The following EHD2 variants were observed in gnomAD, a reference collection of about 807,000 sequenced individuals.
EHD2 encodes the protein EH domain-containing protein 2.
In EHD2, 27 loss-of-function variants were observed where a neutral mutation model predicts 41.0. The ratio of observed to expected loss-of-function variants is 0.66; its 90% CI spans 0.49 to 0.91. The LOEUF (loss-of-function observed/expected upper bound fraction) is 0.91, where lower values mean the gene tolerates loss of function less well. Ranked by LOEUF, EHD2 falls within the 40% of genes least tolerant of loss-of-function variation. The probability of loss-of-function intolerance (pLI) is 0.00; values close to 1 mark genes in which losing one functional copy is unlikely to be tolerated. For missense variants in EHD2, 673 were observed against 773.9 expected (o/e 0.87, Z 1.55); for synonymous variants, 342 against 341.0 (o/e 1.00, Z -0.03).
chr19:47,735,423 A>G (rs1966911046), intron 4 of EHD2, among the ~76,000 whole-genome samples: 2 of 152,078 alleles, frequency 1.3e-5, no homozygotes, highest in Admixed American at 1.3e-4. Context: ...CGCCTGCAGC[A>G]CCTGTAACTT....
intron 3 of EHD2, among the ~76,000 whole-genome samples, chr19:47,721,878 G>C (rs1599889751): frequency 1.3e-5 from 2 of 151,736 alleles, no homozygotes; most frequent in Middle Eastern, 3.2e-3. Flanking sequence ...CCACCTACTC[G>C]GGAGGCTGAG....
intron 4 of EHD2, among the ~76,000 whole-genome samples, chr19:47,727,077 G>T (rs1283669748): frequency 6.6e-6 from 1 of 152,036 alleles, no homozygotes; most frequent in Non-Finnish European, 1.5e-5. Context: ...CAAGTTCATT[G>T]GTTTATTCCA....
rs1973746528 is a variant in EHD2 at position 47,725,945 on chromosome 19, C to G, written c.636C>G (p.Asp212Glu). 6.2e-7 allele frequency: 1 copy of G among 1,613,866 alleles called. No homozygotes were observed. Among genetic ancestry groups the G allele is most frequent in the Non-Finnish European group, 8.5e-7 (1 of 1,179,804 alleles). The change falls in exon 4 of 6, where the codon GAC (aspartate) becomes GAG (glutamate). Residue 212 changes from aspartate to glutamate, a missense_variant. Physicochemically the swap from Asp to Glu is conservative, Grantham distance 45 (BLOSUM62 2). Coordinates refer to ENST00000263277, the MANE Select transcript of EHD2 (RefSeq NM_014601.4). ...EAIGALRGHEDKIRVVLNKAD... is the reference protein window; with the variant it reads ...EAIGALRGHEEKIRVVLNKAD... ...TCGGCGCGTTGCGGGGCCATGAGGA[C>G]AAGATCCGCGTGGTGCTCAACAAGG...
In EHD2 at chr19:47,718,580, C is replaced by A. The variant is rs764472619; in HGVS notation, c.476C>A (p.Ser159Ter). 2.5e-6 allele frequency: 4 copies of A among 1,575,344 alleles called. No individual in the cohort carries two copies. The South Asian group carries it at 4.6e-5, about 18-fold the overall frequency. ...ISIIDTPGIL[S>*]GAKQRVSRGY... ...ATCATCGACACCCCGGGTATCCTGTCGGGTGCCAAGCAGAGAGTGAGCCGC... is the reference window on the plus strand; with the variant it reads ...ATCATCGACACCCCGGGTATCCTGTAGGGTGCCAAGCAGAGAGTGAGCCGC... The change falls in exon 3 of 6, where the codon TCG becomes TAG. Residue 159 changes from serine to a stop codon, truncating the protein, a stop_gained. Coordinates refer to ENST00000263277, the MANE Select transcript of EHD2 (RefSeq NM_014601.4). LOFTEE classifies it high-confidence loss of function.
chr19:47,724,285 C>T (rs1973727396), intron 3 of EHD2, among the ~76,000 whole-genome samples: 1 of 151,974 alleles, frequency 6.6e-6, no homozygotes, highest in Admixed American at 6.6e-5. Context: ...TCTTGAACTC[C>T]TGGCCTCAAT....
chr19:47,717,212 G>A (rs1041828207), intron 2 of EHD2, among the ~76,000 whole-genome samples, 196 bp downstream of exon 2: 1 of 152,022 alleles, frequency 6.6e-6, no homozygotes, highest in Non-Finnish European at 1.5e-5. Context: ...CACGCCAAGC[G>A]AGTTTTTGTA....
intron 3 of EHD2, 149 bp downstream of exon 3, chr19:47,718,755 G>GGGCCCGGACTCCT: frequency 3.3e-6 from 2 of 605,752 alleles, no homozygotes; most frequent in African/African-American, 2.5e-5. Context: ...AGGAGGGGCT[G>GGGCCCGGACTCCT]GGGTCTGGAC....
chr19:47,723,358 G>A (rs547382696), intron 3 of EHD2, among the ~76,000 whole-genome samples: 1 of 152,100 alleles, frequency 6.6e-6, no homozygotes, highest in Non-Finnish European at 1.5e-5. Flanking sequence ...TAACGTACAC[G>A]CCATAAAAAC....
At chr19:47,735,629 G>A (rs372225618) in intron 4 of EHD2, among the ~76,000 whole-genome samples, 3 of 151,988 alleles carry the variant, frequency 2.0e-5, no homozygotes, top group South Asian at 2.1e-4. Flanking sequence ...CAGGCCAGGC[G>A]CGGTGGCTCA....
intron 4 of EHD2, among the ~76,000 whole-genome samples, chr19:47,735,904 GAA>G (rs58531394): frequency 6.9e-6 from 1 of 144,956 alleles, no homozygotes. Context: ...ACTCTGTCTC[GAA>G]AAAAAAAAAG....
At chr19:47,715,038 C>CAAATAAATAAATAAATAAAT (rs60976490) in intron 1 of EHD2, among the ~76,000 whole-genome samples, 3 of 138,868 alleles carry the variant, frequency 2.2e-5, no homozygotes, top group East Asian at 2.2e-4. Context: ...ACTCCATCTC[C>CAAATAAATAAATAAATAAAT]AAATAAATAA....
In EHD2 at chr19:47,719,821, G is replaced by A. The variant is rs985244719; in HGVS notation, c.502+1215G>A. On this transcript the variant is annotated intron_variant, in intron 3 of 5. Coordinates refer to ENST00000263277, the MANE Select transcript of EHD2 (RefSeq NM_014601.4). The surrounding 1 kb of genome is among the most constrained non-coding windows in gnomAD (Gnocchi z 4.1). ...CGGGAGGGAGAGGCTCTCTCAGCCA[G>A]GGCAGGGGTGCCGGCAGGGGGGTTC... 1.7e-4 allele frequency among the ~76,000 whole-genome samples: 26 copies of A among 152,166 alleles called. No homozygotes were observed. The highest frequency in any genetic ancestry group is 3.4e-4 in the Non-Finnish European group (23 of 67,976).
intron 3 of EHD2, among the ~76,000 whole-genome samples, chr19:47,722,360 TG>T (rs1973706002): frequency 6.6e-6 from 1 of 152,106 alleles, no homozygotes; most frequent in Non-Finnish European, 1.5e-5. Context: ...GGGCTCCAGT[TG>T]CTGTCCCTCC....
rs894717902 is a variant in EHD2, at chr19:47,741,932, A to C, written c.*500A>C. 2.2e-6 allele frequency: 1 copy of C among 456,606 alleles called. No homozygotes were observed. Among genetic ancestry groups the C allele is most frequent in the African/African-American group, 2.0e-5 (1 of 50,108 alleles). The allele number at this position is 456,606 out of a possible 1,614,324, so 28.3% of individuals were successfully genotyped here. On this transcript the variant is annotated 3_prime_UTR_variant, in exon 6 of 6. Transcript: ENST00000263277. This position sits in a 1 kb window ranked among gnomAD's most constrained non-coding sequence, Gnocchi z 4.5. The stretch of plus-strand genomic sequence containing the variant: ...CCTGTGGCTGAAATGACTAGCAGAT[A>C]AACAGACCCCCTTCTGCTCCGCTTC...
At chr19:47,723,224 C>T (rs537133620) in intron 3 of EHD2, among the ~76,000 whole-genome samples, 31 of 152,350 alleles carry the variant, frequency 2.0e-4, no homozygotes, top group African/African-American at 7.2e-4. Flanking sequence ...CTGAAACTGC[C>T]TCAGCCTCCA....
At chr19:47,720,504 T>C (rs1416914717) in intron 3 of EHD2, among the ~76,000 whole-genome samples, 1 of 152,044 alleles carries the variant, frequency 6.6e-6, no homozygotes, top group East Asian at 1.9e-4. Context: ...TGAAGGGCTG[T>C]GTAGGGCTAT....
intron 2 of EHD2, among the ~76,000 whole-genome samples, chr19:47,717,848 C>T (rs1973645911): frequency 7.0e-6 from 1 of 143,068 alleles, no homozygotes; most frequent in African/African-American, 2.6e-5. Flanking sequence ...GCGGAGGTTG[C>T]AGTAAGCCGA....
intron 4 of EHD2, among the ~76,000 whole-genome samples, chr19:47,735,087 T>C (rs1966907841): frequency 6.6e-6 from 1 of 152,130 alleles, no homozygotes; most frequent in South Asian, 2.1e-4. Context: ...ATAAAATTTC[T>C]AGATTTCTGG....
chr19:47,729,353 G>C (rs1973785031), intron 4 of EHD2, among the ~76,000 whole-genome samples: 1 of 152,150 alleles, frequency 6.6e-6, no homozygotes, highest in African/African-American at 2.4e-5. Flanking sequence ...TGTCCCTAGG[G>C]CACTGGGGAG....
Sources: gnomAD v4.1 joint callset for allele counts (sites outside exome capture counted in the v4.1 genomes callset) on GRCh38, gnomAD v4.1.1 for gene constraint, Gnocchi (gnomAD v3.1) non-coding constraint, MANE v1.5 for transcripts, NCBI Gene and HGNC (gene_info 2026-07-23, HGNC 2026-07-21) for gene names.